Variants in RXRA observed in about 807,000 individuals in gnomAD.
RXRA encodes the protein retinoid X receptor alpha, also known as retinoic acid receptor RXR-alpha.
A neutral mutation model predicts 44.5 loss-of-function variants in RXRA; 5 were observed. The ratio of observed to expected loss-of-function variants is 0.11; its 90% CI spans 0.06 to 0.24. The LOEUF (loss-of-function observed/expected upper bound fraction) is 0.24. RXRA is among the 10% of genes least tolerant of loss of function. The probability of loss-of-function intolerance (pLI) is 1.00; values close to 1 mark genes in which losing one functional copy is unlikely to be tolerated. For synonymous variants in RXRA, 291 were observed against 271.4 expected (o/e 1.07, Z -0.71); for missense variants, 412 against 646.5 (o/e 0.64, Z 3.93).
chr9:134,431,779 G>A (rs1831535824), intron 7 of RXRA, 126 bp from the exon 8 acceptor site: 3 of 668,604 alleles, frequency 4.5e-6, no homozygotes, highest in East Asian at 2.8e-5. Flanking sequence ...TCCTTGCCTT[G>A]GCTTGGCCCA....
At chr9:134,421,253 G>C (rs2119185568) in intron 5 of RXRA, among the ~76,000 whole-genome samples, 1 of 152,324 alleles carries the variant, frequency 6.6e-6, no homozygotes, top group South Asian at 2.1e-4. Flanking sequence ...CTGGCTCCTG[G>C]AGGCTCTGCT....
chr9:134,371,001 C>T (rs1246438882), intron 1 of RXRA, among the ~76,000 whole-genome samples: 2 of 151,716 alleles, frequency 1.3e-5, no homozygotes, highest in East Asian at 2.0e-4. Context: ...GGGAAGAGGC[C>T]GCATCAGCCT....
chr9:134,383,928 C>A (rs1217642927), intron 1 of RXRA, among the ~76,000 whole-genome samples: 1 of 152,178 alleles, frequency 6.6e-6, no homozygotes, highest in Non-Finnish European at 1.5e-5. Flanking sequence ...AAGGGACCGT[C>A]TGGCCTGAGT....
intron 1 of RXRA, among the ~76,000 whole-genome samples, chr9:134,375,756 C>T (rs1266990252): frequency 2.0e-5 from 3 of 151,000 alleles, no homozygotes; most frequent in South Asian, 2.1e-4. Flanking sequence ...AGCAGCCACT[C>T]CCTGGTGCGG....
intron 1 of RXRA, among the ~76,000 whole-genome samples, chr9:134,362,668 C>T (rs1281363620): frequency 6.6e-6 from 1 of 152,224 alleles, no homozygotes; most frequent in East Asian, 1.9e-4. Flanking sequence ...TCGTGGATTC[C>T]TTCACACCTA....
chr9:134,395,638 C>T (rs910588255), intron 1 of RXRA, among the ~76,000 whole-genome samples: 6 of 152,218 alleles, frequency 3.9e-5, no homozygotes, highest in Non-Finnish European at 5.9e-5. Flanking sequence ...TCCATGTTCC[C>T]GCAGGTGGGT....
At chr9:134,330,990 A>C (rs1355495188) in intron 1 of RXRA, among the ~76,000 whole-genome samples, 1 of 152,174 alleles carries the variant, frequency 6.6e-6, no homozygotes, top group Non-Finnish European at 1.5e-5. Context: ...GGTTTCCAGC[A>C]CTGGACCAGA....
intron 3 of RXRA, among the ~76,000 whole-genome samples, chr9:134,408,585 G>A (rs1447014397): frequency 6.6e-6 from 1 of 152,258 alleles, no homozygotes; most frequent in Non-Finnish European, 1.5e-5. Flanking sequence ...GGGGCAGCCA[G>A]TGCTGCGCCT....
At chr9:134,376,537 C>T (rs891667695) in intron 1 of RXRA, among the ~76,000 whole-genome samples, 1 of 16,248 alleles carries the variant, frequency 6.2e-5, no homozygotes, top group African/African-American at 1.7e-4. Flanking sequence ...ACTTGACAGC[C>T]TGGCCAGCTG....
intron 4 of RXRA, among the ~76,000 whole-genome samples, chr9:134,412,135 T>A (rs1442835629): frequency 2.0e-5 from 3 of 152,216 alleles, no homozygotes; most frequent in Non-Finnish European, 4.4e-5. Context: ...GCAGGGCTGT[T>A]GGCTGCATGG....
intron 1 of RXRA, among the ~76,000 whole-genome samples, chr9:134,335,999 G>A (rs1454214229): frequency 6.6e-6 from 1 of 152,232 alleles, no homozygotes; most frequent in African/African-American, 2.4e-5. Flanking sequence ...GAGGAAAACA[G>A]CTCTGACCGT....
At chr9:134,384,095 A>C (rs1259314976) in intron 1 of RXRA, among the ~76,000 whole-genome samples, 1 of 151,636 alleles carries the variant, frequency 6.6e-6, no homozygotes, top group African/African-American at 2.4e-5. Flanking sequence ...GGAGTCCTGG[A>C]CTCTCCACAC....
intron 6 of RXRA, chr9:134,425,122 C>G: frequency 1.0e-6 from 1 of 985,394 alleles, no homozygotes; most frequent in Non-Finnish European, 1.2e-6. Context: ...CCACCTGTGG[C>G]TCGCGGTGAC....
intron 1 of RXRA, among the ~76,000 whole-genome samples, chr9:134,327,503 CTT>C (rs1218451359): frequency 2.0e-5 from 3 of 152,098 alleles, no homozygotes; most frequent in African/African-American, 7.2e-5. Flanking sequence ...AAGGGGGAGA[CTT>C]TATAAATTAG....
At chr9:134,436,244 A>T (rs1357687634) in intron 9 of RXRA, among the ~76,000 whole-genome samples, 1 of 152,156 alleles carries the variant, frequency 6.6e-6, no homozygotes, top group African/African-American at 2.4e-5. Context: ...AGACCCAGGG[A>T]TCTCCCTTCA....
chr9:134,384,386 G>T (rs2119108310), intron 1 of RXRA, among the ~76,000 whole-genome samples: 1 of 152,384 alleles, frequency 6.6e-6, no homozygotes, highest in Non-Finnish European at 1.5e-5. Context: ...GCAGAGGAAA[G>T]CGAACCGTGC....
At chr9:134,386,593 T>C (rs1486579760) in intron 1 of RXRA, among the ~76,000 whole-genome samples, 1 of 152,214 alleles carries the variant, frequency 6.6e-6, no homozygotes, top group Admixed American at 6.5e-5. Flanking sequence ...TGGTCACGGC[T>C]GCTCCGTACG....
At position 134,365,217 on chromosome 9, in the gene RXRA, T is replaced by C. The variant is rs1830398903; in HGVS notation, c.29-36415T>C. Among the ~76,000 whole-genome samples, 1 of 152,168 alleles carries C rather than the reference T, an allele frequency of 6.6e-6. No individual in the cohort carries two copies. The highest frequency in any genetic ancestry group is 1.5e-5 in the Non-Finnish European group (1 of 68,034). Reference sequence around the variant, plus strand: ...TCGTGGGCCATCTCCCGGAGTTCTCTTGAGGGCCCCTGTCTTACGGATGAG... The same window carrying C: ...TCGTGGGCCATCTCCCGGAGTTCTCCTGAGGGCCCCTGTCTTACGGATGAG... On this transcript the variant is annotated intron_variant, in intron 1 of 9. Transcript: ENST00000481739. The surrounding 1 kb of genome is among the most constrained non-coding windows in gnomAD (Gnocchi z 4.0).
rs781014291 is a variant in RXRA, at chr9:134,417,338, G to T, written c.780+11G>T. On this transcript the variant is annotated intron_variant, in intron 5 of 9. Coordinates refer to ENST00000481739, the MANE Select transcript of RXRA (RefSeq NM_002957.6). This position sits in a 1 kb window ranked among gnomAD's most constrained non-coding sequence, Gnocchi z 6.1. ...CTGAACCCCAGCTCGGTGAGTTGCA[G>T]CCTGTGCAGGGGTGGGCAGCCTCAC... 4.3e-6 allele frequency: 7 copies of T among 1,612,454 alleles called. No individual in the cohort carries two copies. The East Asian group carries it at 1.6e-4, about 36-fold the overall frequency.
Sources: allele counts gnomAD v4.1 joint callset (sites outside exome capture counted in the v4.1 genomes callset), GRCh38; gene constraint gnomAD v4.1.1; non-coding constraint Gnocchi (gnomAD v3.1); transcripts MANE v1.5; gene names NCBI Gene and HGNC (gene_info 2026-07-23, HGNC 2026-07-21).